SSBP4: variants seen among roughly 807,000 people sequenced by gnomAD.
SSBP4 encodes single stranded DNA binding protein 4.
SSBP4 carries 33 observed loss-of-function variants against 64.6 expected under a neutral mutation model. The ratio of observed to expected loss-of-function variants is 0.51; its 90% CI spans 0.39 to 0.68. The LOEUF (loss-of-function observed/expected upper bound fraction) is 0.68. SSBP4 is among the 30% of genes least tolerant of loss of function. SSBP4 has a pLI of 0.00. For missense variants in SSBP4, 583 were observed against 566.8 expected (o/e 1.03, Z -0.29); for synonymous variants, 243 against 224.0 (o/e 1.08, Z -0.76).
Position 18,431,201 on chromosome 19 carries a change from CCACTGGTGCCTGAGTCCT to C in SSBP4, c.370-151_370-134del. Reference sequence around the variant, plus strand: ...GCAGTAGCCACAGTGGTCCTGGTGACCACTGGTGCCTGAGTCCTGCCCTCAAGCCTTCCCACAAGGTCC... The same window carrying C: ...GCAGTAGCCACAGTGGTCCTGGTGACGCCCTCAAGCCTTCCCACAAGGTCC... On this transcript the variant is annotated intron_variant, in intron 5 of 17. Coordinates refer to ENST00000270061, the MANE Select transcript of SSBP4 (RefSeq NM_032627.5). 8 of 244,254 alleles carry C rather than the reference CCACTGGTGCCTGAGTCCT, an allele frequency of 3.3e-5. 1 individual carries two copies. The highest frequency in any genetic ancestry group is 1.5e-4 in the African/African-American group (1 of 6,500). The allele number at this position is 244,254 out of a possible 1,614,324, so 15.1% of individuals were successfully genotyped here.
the SSBP4 span, among the ~76,000 whole-genome samples, chr19:18,403,042 C>T: frequency 1.3e-5 from 2 of 152,214 alleles, no homozygotes; most frequent in African/African-American, 2.4e-5. Flanking sequence ...GGAGAAAAAC[C>T]GCCCTATGGC....
At chr19:18,432,250 G>T (rs190634942) in intron 10 of SSBP4, 36 bp downstream of exon 10, 2 of 1,603,222 alleles carry the variant, frequency 1.2e-6, no homozygotes, top group East Asian at 2.2e-5. Flanking sequence ...TGTGCAGTTC[G>T]CAGGCCACCA....
chr19:18,433,084 C>G (rs1568357543), intron 14 of SSBP4, 41 bp downstream of exon 14: 1 of 1,613,676 alleles, frequency 6.2e-7, no homozygotes, highest in African/African-American at 1.3e-5. Flanking sequence ...AGGCGGTGAC[C>G]CCACTTGGGG....
At chr19:18,415,660 C>A (rs959120577), upstream of SSBP4, among the ~76,000 whole-genome samples, 2 of 152,100 alleles carry the variant, frequency 1.3e-5, no homozygotes, top group African/African-American at 2.4e-5. Context: ...GAACCCTTGG[C>A]CAAAGGAGGA....
chr19:18,422,521 C>A (rs1357452480), intron 1 of SSBP4, among the ~76,000 whole-genome samples: 1 of 152,176 alleles, frequency 6.6e-6, no homozygotes, highest in Non-Finnish European at 1.5e-5. Context: ...CGCCAGATGG[C>A]CGCATGCACC....
At chr19:18,407,407 TG>T in the SSBP4 span, among the ~76,000 whole-genome samples, 3 of 152,168 alleles carry the variant, frequency 2.0e-5, no homozygotes, top group African/African-American at 2.4e-5. Flanking sequence ...GTTATAGTAA[TG>T]TTTTTTTTGT....
At chr19:18,432,509 G>A (rs776597626) in intron 10 of SSBP4, 50 bp from the exon 11 acceptor site, 7 of 1,532,260 alleles carry the variant, frequency 4.6e-6, no homozygotes, top group African/African-American at 1.4e-5. Context: ...GGTGAGGGCT[G>A]TGATCCACAT....
the SSBP4 span, among the ~76,000 whole-genome samples, chr19:18,404,137 C>T: frequency 5.9e-5 from 9 of 152,102 alleles, no homozygotes; most frequent in South Asian, 4.1e-4. Context: ...CACTCAGAAA[C>T]GCCCAGGGAT....
upstream of SSBP4, among the ~76,000 whole-genome samples, chr19:18,418,238 C>A (rs1258733507): frequency 6.6e-6 from 1 of 152,204 alleles, no homozygotes; most frequent in Non-Finnish European, 1.5e-5. The surrounding 1 kb of genome is among the most constrained non-coding windows in gnomAD (Gnocchi z 6.7). Context: ...CGTGTTTGCA[C>A]ACACGCGGGC....
intron 1 of SSBP4, among the ~76,000 whole-genome samples, chr19:18,424,295 A>G (rs1214586125): frequency 1.3e-5 from 2 of 152,118 alleles, no homozygotes; most frequent in African/African-American, 2.4e-5. Flanking sequence ...CGGTTTGTTC[A>G]TTCACTGGGG....
chr19:18,417,974 A>G (rs1211425501), upstream of SSBP4, among the ~76,000 whole-genome samples: 1 of 152,132 alleles, frequency 6.6e-6, no homozygotes, highest in African/African-American at 2.4e-5. This position sits in a 1 kb window ranked among gnomAD's most constrained non-coding sequence, Gnocchi z 5.4. Flanking sequence ...ATTCACACAC[A>G]AACACACACA....
At chr19:18,410,218 G>A in the SSBP4 span, among the ~76,000 whole-genome samples, 3 of 151,794 alleles carry the variant, frequency 2.0e-5, no homozygotes, top group Non-Finnish European at 4.4e-5. Context: ...GGATGGTCTC[G>A]ATCTCCTGAC....
rs760883618 is a variant in SSBP4, at chr19:18,431,354, G to GC, written c.378dup (p.Gly127ArgfsTer152). 8.1e-5 allele frequency: 70 copies of GC among 866,752 alleles called. No homozygotes were observed. Among genetic ancestry groups the GC allele is most frequent in the Non-Finnish European group, 1.2e-4 (67 of 555,052 alleles). The allele number at this position is 866,752 out of a possible 1,614,324, so 53.7% of individuals were successfully genotyped here. ...ACCCACCTGGTTCTGTCCTCCTAGGGCCCCCCCGGCTCCCAGCCGTCCCCC... is the reference window on the plus strand; with the variant it reads ...ACCCACCTGGTTCTGTCCTCCTAGGGCCCCCCCCGGCTCCCAGCCGTCCCCC... On this transcript the variant is annotated frameshift_variant and splice_region_variant, in exon 6 of 18. Coordinates refer to ENST00000270061, the MANE Select transcript of SSBP4 (RefSeq NM_032627.5). LOFTEE classifies it high-confidence loss of function.
chr19:18,419,048 A>G (rs564452095), upstream of SSBP4: 926 of 985,576 alleles, frequency 9.4e-4, no homozygotes, highest in Non-Finnish European at 1.1e-3. Flanking sequence ...CAGTCGTTCC[A>G]GCAGCGGGGT....
intron 6 of SSBP4, 30 bp downstream of exon 6, chr19:18,431,448 C>A: frequency 5.4e-6 from 7 of 1,294,532 alleles, no homozygotes; most frequent in Non-Finnish European, 7.6e-6. Context: ...GCCCCTCACA[C>A]ACACACATCC....
Position 18,432,073 on chromosome 19 carries a change from A to G in SSBP4, c.636+3A>G, listed in dbSNP as rs1317107571. On this transcript the variant is annotated splice_donor_region_variant and intron_variant, in intron 9 of 17. Transcript: ENST00000270061. Reference sequence around the variant, plus strand: ...GCATGGCCAGCGTGGGGCCCCAGGTAAGAGTGGAGCCCTGGTGGGTGGGGC... The same window carrying G: ...GCATGGCCAGCGTGGGGCCCCAGGTGAGAGTGGAGCCCTGGTGGGTGGGGC... 1.9e-6 allele frequency: 3 copies of G among 1,594,718 alleles called. No individual in the cohort carries two copies. The South Asian group carries it at 3.3e-5, about 18-fold the overall frequency.
chr19:18,403,604 G>A, the SSBP4 span, among the ~76,000 whole-genome samples: 1 of 151,440 alleles, frequency 6.6e-6, no homozygotes, highest in South Asian at 2.1e-4. Context: ...AGGGTCCTGG[G>A]CTCTGGGGAT....
upstream of SSBP4, among the ~76,000 whole-genome samples, chr19:18,414,801 T>G (rs1458258551): frequency 6.6e-6 from 1 of 152,134 alleles, no homozygotes. Context: ...GTGGGATTGG[T>G]GGCATGACCC....
At chr19:18,430,173 C>T (rs530600275) in intron 4 of SSBP4, among the ~76,000 whole-genome samples, 35 of 152,210 alleles carry the variant, frequency 2.3e-4, no homozygotes, top group African/African-American at 7.9e-4. Context: ...TGTCCCCAGA[C>T]GTGTTCCTCT....
Sources: allele counts gnomAD v4.1 joint callset (sites outside exome capture counted in the v4.1 genomes callset), GRCh38; gene constraint gnomAD v4.1.1; non-coding constraint Gnocchi (gnomAD v3.1); transcripts MANE v1.5; gene names NCBI Gene and HGNC (gene_info 2026-07-23, HGNC 2026-07-21).